The following AMMECR1 variants were observed in gnomAD, a reference collection of about 807,000 sequenced individuals.
AMMECR1 encodes the protein AMMECR nuclear protein 1.
In AMMECR1, 3 loss-of-function variants were observed where a neutral mutation model predicts 22.5. That is an observed-to-expected ratio of 0.13 (90% confidence interval 0.06 to 0.35). AMMECR1 has a LOEUF of 0.35. Among genes scored for constraint, AMMECR1 ranks in the 10% least tolerant of loss-of-function variants. The probability of loss-of-function intolerance (pLI) is 1.00; values close to 1 mark genes in which losing one functional copy is unlikely to be tolerated. For missense variants in AMMECR1, 235 were observed against 278.7 expected (o/e 0.84, Z 1.12); for synonymous variants, 130 against 116.7 (o/e 1.11, Z -0.74).
Position 110,423,374 on chromosome X carries a change from AAGAAGG to A in AMMECR1, c.-148+3278_-148+3283del, listed in dbSNP as rs1367419021. Among the ~76,000 whole-genome samples, 763 of 110,085 alleles carry A rather than the reference AAGAAGG, an allele frequency of 6.9e-3. 8 individuals are homozygous for A. The highest frequency in any genetic ancestry group is 0.024 in the African/African-American group (723 of 30,283). On this transcript the variant is annotated intron_variant, in intron 2 of 7. Transcript: ENST00000372057. Reference sequence around the variant, plus strand: ...AAAAAGAAAGAGGAAGGAGAAGGAGAAGAAGGAGAAGGAGAAGGAGAGAAGAAGAAG... The same window carrying A: ...AAAAAGAAAGAGGAAGGAGAAGGAGAAGAAGGAGAAGGAGAGAAGAAGAAG...
At chrX:110,220,715 A>G (rs1168534069) in intron 2 of AMMECR1, among the ~76,000 whole-genome samples, 1 of 111,976 alleles carries the variant, frequency 8.9e-6, no homozygotes, top group Non-Finnish European at 1.9e-5. Context: ...AATATATTCA[A>G]TTCAAATTGG....
At position 110,318,083 on chromosome X, in the gene AMMECR1, C is replaced by A. The variant is rs1346874686; in HGVS notation, c.-12G>T. The stretch of plus-strand genomic sequence containing the variant: ...CAACCCGCCGCCATCTTGGAACAGT[C>A]TCCCCCACGCAGCGTTTCCGACCCA... On this transcript the variant is annotated 5_prime_UTR_variant, in exon 1 of 6. Transcript: ENST00000262844. The A allele has an allele frequency of 5.1e-6, 6 of 1,175,800 alleles. No individual in the cohort carries two copies. The highest frequency in any genetic ancestry group is 6.8e-6 in the Non-Finnish European group (6 of 877,089).
chrX:110,285,234 G>A (rs1413052887), intron 1 of AMMECR1, among the ~76,000 whole-genome samples: 2 of 111,903 alleles, frequency 1.8e-5, no homozygotes, highest in African/African-American at 6.5e-5. Flanking sequence ...CTCAAAGTGT[G>A]GTCCCTGGAC....
At chrX:110,216,001 TGTTA>T (rs1470488769) in intron 3 of AMMECR1, among the ~76,000 whole-genome samples, 2 of 112,343 alleles carry the variant, frequency 1.8e-5, no homozygotes, top group Non-Finnish European at 3.8e-5. Context: ...TAGTATTATT[TGTTA>T]GAGTGTTTAA....
At chrX:110,330,357 T>C (rs781094342) in intron 2 of AMMECR1, among the ~76,000 whole-genome samples, 3 of 111,637 alleles carry the variant, frequency 2.7e-5, no homozygotes, top group Non-Finnish European at 5.6e-5. Flanking sequence ...GGGGTGTTCT[T>C]TCTTACCTCC....
chrX:110,210,993 G>C (rs889919483), intron 3 of AMMECR1, among the ~76,000 whole-genome samples: 2 of 112,020 alleles, frequency 1.8e-5, no homozygotes, highest in African/African-American at 3.2e-5. Context: ...GGAACAGTCT[G>C]TCTTGGGACC....
intron 1 of AMMECR1, among the ~76,000 whole-genome samples, chrX:110,290,492 T>C (rs1462057100): frequency 8.9e-6 from 1 of 112,350 alleles, no homozygotes; most frequent in Non-Finnish European, 1.9e-5. Flanking sequence ...GTCTATGTAA[T>C]AGAAAACACA....
At chrX:110,241,357 A>G (rs1032313451) in intron 2 of AMMECR1, among the ~76,000 whole-genome samples, 39 of 112,100 alleles carry the variant, frequency 3.5e-4, no homozygotes, top group Non-Finnish European at 1.7e-4. Flanking sequence ...AAAGAAGAAA[A>G]GAGAGAAGGA....
chrX:110,350,333 A>G (rs1352835183), intron 2 of AMMECR1, among the ~76,000 whole-genome samples: 2 of 111,822 alleles, frequency 1.8e-5, no homozygotes, highest in Non-Finnish European at 3.8e-5. Context: ...GAGACCCAAC[A>G]GATAACATCA....
intron 2 of AMMECR1, among the ~76,000 whole-genome samples, chrX:110,416,655 C>A (rs1265543897): frequency 1.8e-5 from 2 of 111,883 alleles, no homozygotes; most frequent in Non-Finnish European, 3.8e-5. Context: ...AAGACATGGG[C>A]CTCTTTTTGT....
At chrX:110,382,818 G>A (rs1427206933) in intron 2 of AMMECR1, among the ~76,000 whole-genome samples, 3 of 111,795 alleles carry the variant, frequency 2.7e-5, no homozygotes, top group Admixed American at 9.5e-5. Context: ...ATTCCATGTC[G>A]TTTCTCAGCT....
chrX:110,223,848 C>A (rs2067517418), intron 2 of AMMECR1, among the ~76,000 whole-genome samples: 1 of 111,769 alleles, frequency 8.9e-6, no homozygotes, highest in Admixed American at 9.5e-5. Flanking sequence ...TAACATATTA[C>A]AATGGCCAAC....
intron 1 of AMMECR1, among the ~76,000 whole-genome samples, chrX:110,300,624 C>T (rs1444545039): frequency 1.8e-5 from 2 of 111,823 alleles, no homozygotes; most frequent in Non-Finnish European, 3.8e-5. Context: ...TGAGAGTTGC[C>T]GTAAGTGGCC....
At chrX:110,287,473 T>A (rs1489782075) in intron 1 of AMMECR1, among the ~76,000 whole-genome samples, 1 of 112,139 alleles carries the variant, frequency 8.9e-6, no homozygotes, top group Non-Finnish European at 1.9e-5. Context: ...CCAATTTCTA[T>A]CTGCAGCAGT....
intron 2 of AMMECR1, among the ~76,000 whole-genome samples, chrX:110,362,851 T>C (rs778643554): frequency 8.9e-6 from 1 of 112,122 alleles, no homozygotes; most frequent in African/African-American, 3.2e-5. Flanking sequence ...ACGTATGTGG[T>C]ATTGTGCTGG....
At chrX:110,350,175 G>A (rs937949973) in intron 2 of AMMECR1, among the ~76,000 whole-genome samples, 2 of 111,827 alleles carry the variant, frequency 1.8e-5, no homozygotes, top group Non-Finnish European at 3.8e-5. Flanking sequence ...AGGCATTCTC[G>A]CCCTGTTTTG....
intron 3 of AMMECR1, among the ~76,000 whole-genome samples, chrX:110,211,688 A>C (rs989427397): frequency 8.9e-6 from 1 of 112,402 alleles, no homozygotes; most frequent in Non-Finnish European, 1.9e-5. Flanking sequence ...CTCATTTAAC[A>C]ACCATTTTAG....
intron 2 of AMMECR1, among the ~76,000 whole-genome samples, chrX:110,385,900 C>G (rs191784423): frequency 5.4e-5 from 6 of 111,881 alleles, no homozygotes; most frequent in Non-Finnish European, 1.1e-4. Flanking sequence ...CTCCCACTTA[C>G]AAGTGAGAAC....
At chrX:110,265,495 T>C (rs1028277483) in intron 1 of AMMECR1, among the ~76,000 whole-genome samples, 8 of 112,027 alleles carry the variant, frequency 7.1e-5, no homozygotes, top group Non-Finnish European at 1.1e-4. Context: ...TAGATGAAGT[T>C]TAATACAGTA....
Sources: gnomAD v4.1 joint callset for allele counts (sites outside exome capture counted in the v4.1 genomes callset) on GRCh38, gnomAD v4.1.1 for gene constraint, MANE v1.5 for transcripts, NCBI Gene and HGNC (gene_info 2026-07-23, HGNC 2026-07-21) for gene names.